CDC42BPG: variants seen among roughly 807,000 people sequenced by gnomAD.
CDC42BPG encodes serine/threonine-protein kinase MRCK gamma.
In CDC42BPG, 157 loss-of-function variants were observed where a neutral mutation model predicts 192.2. The observed-to-expected ratio is 0.82, with a 90% confidence interval of 0.72 to 0.93. The LOEUF (loss-of-function observed/expected upper bound fraction) is 0.93. CDC42BPG is among the 40% of genes least tolerant of loss of function. The pLI is 0.00. For missense variants in CDC42BPG, 1,992 were observed against 2,122.1 expected (o/e 0.94, Z 1.20); for synonymous variants, 981 against 918.5 (o/e 1.07, Z -1.23).
chr11:64,838,646 C>T lies in CDC42BPG; in HGVS notation c.1125+8G>A. ...AGCTCCCCTCCTGCAGTGGCCTTTGCCACTCACTGGATGGTTGAGGGTGTC... is the reference window on the plus strand; with the variant it reads ...AGCTCCCCTCCTGCAGTGGCCTTTGTCACTCACTGGATGGTTGAGGGTGTC... On this transcript the variant is annotated splice_region_variant and intron_variant, in intron 8 of 36. Transcript: ENST00000342711. 6.2e-7 allele frequency: 1 copy of T among 1,611,264 alleles called. No individual in the cohort carries two copies.
At chr11:64,825,103 G>GT (rs1213622868) in intron 36 of CDC42BPG, among the ~76,000 whole-genome samples, 9 of 152,098 alleles carry the variant, frequency 5.9e-5, no homozygotes, top group African/African-American at 2.2e-4. Context: ...TTTTAGTAGA[G>GT]ACAGGGTTTC....
In CDC42BPG at chr11:64,838,704, G is replaced by T; in HGVS notation, c.1075C>A (p.Pro359Thr). 6.2e-7 allele frequency: 1 copy of T among 1,613,168 alleles called. No homozygotes were observed. The part of the protein sequence containing the change: ...TAPYIPELRG[P>T]MDTSNFDVDD... ...ACATCAAAGTTGGAGGTGTCCATGG[G>T]CCCCCGCAGCTCAGGAATATAGGGG... The change falls in exon 8 of 37, where the codon CCC becomes ACC. Residue 359 changes from proline to threonine, a missense_variant. Pro to Thr is a conservative substitution (Grantham distance 38). Transcript: ENST00000342711.
intron 1 of CDC42BPG, among the ~76,000 whole-genome samples, chr11:64,844,044 C>A (rs1943395548): frequency 6.6e-6 from 1 of 152,130 alleles, no homozygotes; most frequent in East Asian, 1.9e-4. Flanking sequence ...CAGTGGGTGA[C>A]ATGCATGAGG....
chr11:64,840,475 G>A, intron 4 of CDC42BPG, 78 bp downstream of exon 4: 1 of 1,498,378 alleles, frequency 6.7e-7, no homozygotes, highest in Non-Finnish European at 9.3e-7. Flanking sequence ...TCTCTCTTTG[G>A]GCCCAGTGCC....
rs561112914 is a variant in CDC42BPG at position 64,827,252 on chromosome 11, T to C, written c.4271+26A>G. ...CAAGCGGAGGCGGCCCCACCCAGCC[T>C]CAGCCCCCGCGTCGTGCACGCGCAC... On this transcript the variant is annotated intron_variant, in intron 33 of 36. Coordinates refer to ENST00000342711, the MANE Select transcript of CDC42BPG (RefSeq NM_017525.3). 3.9e-5 allele frequency: 63 copies of C among 1,613,210 alleles called. No individual in the cohort carries two copies. In the South Asian group the frequency reaches 6.8e-4, roughly 17 times the overall value.
intron 3 of CDC42BPG, among the ~76,000 whole-genome samples, chr11:64,840,982 C>T (rs891393316): frequency 3.3e-5 from 5 of 151,822 alleles, no homozygotes; most frequent in Non-Finnish European, 5.9e-5. Context: ...AACTCCATCT[C>T]TACTAAAAAT....
At position 64,836,590 on chromosome 11, in the gene CDC42BPG, G is replaced by A; in HGVS notation, c.1385-60C>T. 2.0e-6 allele frequency: 3 copies of A among 1,492,788 alleles called. No homozygotes were observed. In the South Asian group the frequency reaches 3.4e-5, roughly 17 times the overall value. 92.5% of individuals were successfully genotyped at this position (1,492,788 alleles called of 1,614,324 possible). A position where few individuals can be genotyped will look rare whatever the true frequency, so the allele number is the denominator to read the frequency against. ...GCGGCCCCAGCCTCTCAGCCCAGGA[G>A]CAAGTCTCCTTGGCCTGTTTCCCAC... On this transcript the variant is annotated intron_variant, in intron 11 of 36. Transcript: ENST00000342711.
intron 36 of CDC42BPG, among the ~76,000 whole-genome samples, chr11:64,826,238 C>A (rs938622328): frequency 9.2e-5 from 14 of 152,188 alleles, no homozygotes; most frequent in Non-Finnish European, 1.8e-4. Context: ...TTGCCCAGAG[C>A]CACACAGCTG....
Position 64,826,472 on chromosome 11 carries a change from G to T in CDC42BPG, c.4597C>A (p.Gln1533Lys). Residue 1533 changes from glutamine (Q) to lysine (K), a missense_variant and splice_region_variant, in exon 36 of 37, where the codon CAG becomes AAG. Physicochemically the swap from Gln to Lys is moderately conservative, Grantham distance 53. Coordinates refer to ENST00000342711, the MANE Select transcript of CDC42BPG (RefSeq NM_017525.3). ...GSLSPATSLM[Q>K]VSERPRSLPL... ...ACAAGCCTCCCGGACCCGCTCACCTGCATTAGGGAGGTTGCAGGGCTCAGC... is the reference window on the plus strand; with the variant it reads ...ACAAGCCTCCCGGACCCGCTCACCTTCATTAGGGAGGTTGCAGGGCTCAGC... 6.3e-7 allele frequency: 1 copy of T among 1,595,358 alleles called. No individual in the cohort carries two copies. The highest frequency in any genetic ancestry group is 8.5e-7 in the Non-Finnish European group (1 of 1,170,386).
At chr11:64,833,393 G>T in intron 23 of CDC42BPG, 57 bp from the exon 24 acceptor site, 1 of 1,056,868 alleles carries the variant, frequency 9.5e-7, no homozygotes, top group Non-Finnish European at 1.4e-6. Flanking sequence ...CCCCATCCCT[G>T]AGGGGTCAGG....
chr11:64,832,352 TG>T, intron 27 of CDC42BPG, 75 bp downstream of exon 27: 1 of 1,450,690 alleles, frequency 6.9e-7, no homozygotes, highest in Non-Finnish European at 9.5e-7. Context: ...CAGTATGAAG[TG>T]GGGGGACAGT....
intron 23 of CDC42BPG, 62 bp downstream of exon 23, chr11:64,833,538 G>A: frequency 6.8e-7 from 1 of 1,460,086 alleles, no homozygotes; most frequent in Non-Finnish European, 9.4e-7. Context: ...TCCCCACAGT[G>A]CCCATTCAGC....
rs141578618 is a variant in CDC42BPG at position 64,828,461 on chromosome 11, G to A, written c.3968-678C>T. 1.4e-4 allele frequency among the ~76,000 whole-genome samples: 21 copies of A among 152,318 alleles called. 1 individual carries two copies. The highest frequency in any genetic ancestry group is 2.4e-4 in the African/African-American group (10 of 41,566). The stretch of plus-strand genomic sequence containing the variant: ...TGAGAGCCGTGACACAGGTCTGGAC[G>A]GAGAGAGAGTGGGGCAAAGAGAAGG... On this transcript the variant is annotated intron_variant, in intron 30 of 36. Coordinates refer to ENST00000342711, the MANE Select transcript of CDC42BPG (RefSeq NM_017525.3).
intron 4 of CDC42BPG, 32 bp downstream of exon 4, chr11:64,840,521 T>G (rs374834771): frequency 3.7e-6 from 6 of 1,602,492 alleles, no homozygotes; most frequent in Non-Finnish European, 5.1e-6. Flanking sequence ...GTCCCTAGGA[T>G]GTTCCCCTCC....
At chr11:64,825,186 C>A (rs527573700) in intron 36 of CDC42BPG, among the ~76,000 whole-genome samples, 1 of 152,076 alleles carries the variant, frequency 6.6e-6, no homozygotes, top group African/African-American at 2.4e-5. Context: ...CAAAGTGCTG[C>A]GATTACAGGG....
chr11:64,835,974 G>GC (rs1942965813), intron 13 of CDC42BPG, 123 bp from the exon 14 acceptor site: 6 of 1,294,310 alleles, frequency 4.6e-6, no homozygotes, highest in Non-Finnish European at 6.4e-6. Context: ...CTCCCAGACT[G>GC]CCCCGTCCCA....
intron 28 of CDC42BPG, chr11:64,830,548 A>G (rs930313996): frequency 2.3e-5 from 12 of 511,396 alleles, no homozygotes; most frequent in Non-Finnish European, 3.9e-5. Flanking sequence ...CTCACAGAGC[A>G]ACTCTGAGGA....
At chr11:64,833,089 C>T (rs2136294940) in intron 24 of CDC42BPG, 130 bp from the exon 25 acceptor site, 6 of 1,316,090 alleles carry the variant, frequency 4.6e-6, no homozygotes, top group Non-Finnish European at 6.2e-6. Context: ...AATTCCTCAT[C>T]AAGTGAGAAA....
intron 26 of CDC42BPG, 25 bp downstream of exon 26, chr11:64,832,579 C>T: frequency 6.2e-7 from 1 of 1,614,012 alleles, no homozygotes; most frequent in Non-Finnish European, 8.5e-7. Context: ...TAGTCCCTTG[C>T]CCCATGCCAC....
Sources: gnomAD v4.1 joint callset for allele counts (sites outside exome capture counted in the v4.1 genomes callset) on GRCh38, gnomAD v4.1.1 for gene constraint, MANE v1.5 for transcripts, NCBI Gene and HGNC (gene_info 2026-07-23, HGNC 2026-07-21) for gene names.